Variants in TMEFF1 observed in about 807,000 individuals in gnomAD.
TMEFF1 encodes the protein tomoregulin-1.
In TMEFF1, 20 loss-of-function variants were observed where a neutral mutation model predicts 47.5. That is an observed-to-expected ratio of 0.42 (90% confidence interval 0.30 to 0.61). The LOEUF is 0.61. Ranked by LOEUF, TMEFF1 falls within the 20% of genes least tolerant of loss-of-function variation. The pLI, the probability that TMEFF1 is intolerant of heterozygous loss-of-function variation, is 0.19. For synonymous variants in TMEFF1, 162 were observed against 166.3 expected, an observed-to-expected ratio of 0.97 and a Z score of 0.20; for missense variants, 411 against 471.1, an observed-to-expected ratio of 0.87 and a Z score of 1.18.
At chr9:100,485,902 A>G (rs1045038153) in intron 1 of TMEFF1, among the ~76,000 whole-genome samples, 3 of 152,152 alleles carry the variant, frequency 2.0e-5, no homozygotes, top group Non-Finnish European at 4.4e-5. Context: ...AAAAAGTATC[A>G]TGTATTTTCC....
At chr9:100,498,439 T>G (rs976987379) in intron 1 of TMEFF1, among the ~76,000 whole-genome samples, 1 of 152,030 alleles carries the variant, frequency 6.6e-6, no homozygotes, top group African/African-American at 2.4e-5. Flanking sequence ...AAATAAGAAA[T>G]AGTAAGATTG....
intron 2 of TMEFF1, among the ~76,000 whole-genome samples, chr9:100,503,662 A>C (rs1009000028): frequency 6.6e-6 from 1 of 152,072 alleles, no homozygotes; most frequent in African/African-American, 2.4e-5. Flanking sequence ...TCTGTATACT[A>C]GCCCAGGAAA....
At chr9:100,476,264 T>A (rs1416516739) in intron 1 of TMEFF1, among the ~76,000 whole-genome samples, 3 of 152,206 alleles carry the variant, frequency 2.0e-5, no homozygotes, top group African/African-American at 7.2e-5. Flanking sequence ...AAAATTTTTT[T>A]AGTTGGTAAG....
At chr9:100,558,472 C>T (rs941881201) in intron 7 of TMEFF1, among the ~76,000 whole-genome samples, 5 of 151,626 alleles carry the variant, frequency 3.3e-5, no homozygotes, top group African/African-American at 4.8e-5. Flanking sequence ...TATTTGATCT[C>T]AGTTATTTGG....
chr9:100,572,633 G>T lies in TMEFF1; in HGVS notation c.1015G>T (p.Val339Leu), dbSNP rs570775539. 3.1e-6 allele frequency: 5 copies of T among 1,613,208 alleles called. No homozygotes were observed. The East Asian group carries it at 1.1e-4, about 36-fold the overall frequency. ...HVLIAAIIGA[V>L]QIAIIVAIVM... ...TCTTATTGCAGCAATTATTGGAGCT[G>T]TACAGATTGCCATCATAGTAGCAAT... Residue 339 changes from valine (V) to leucine (L), a missense_variant, in exon 9 of 10, where the codon GTA (valine) becomes TTA (leucine). Val to Leu is a conservative substitution (Grantham distance 32). Transcript: ENST00000374879.
intron 2 of TMEFF1, among the ~76,000 whole-genome samples, chr9:100,503,096 C>G (rs773697540): frequency 6.6e-6 from 1 of 152,140 alleles, no homozygotes; most frequent in Non-Finnish European, 1.5e-5. Flanking sequence ...CCCATTAAAC[C>G]CTTCTCTGCT....
intron 1 of TMEFF1, among the ~76,000 whole-genome samples, chr9:100,494,959 G>A (rs760267791): frequency 2.6e-5 from 4 of 152,112 alleles, no homozygotes; most frequent in Non-Finnish European, 5.9e-5. Context: ...TTAGTTGATA[G>A]CCAGCAACAA....
At position 100,561,487 on chromosome 9, in the gene TMEFF1, A is replaced by G. The variant is rs1353897481; in HGVS notation, c.866A>G (p.Glu289Gly). The G allele has an allele frequency of 1.2e-6, 2 of 1,613,736 alleles. No individual in the cohort carries two copies. The highest frequency in any genetic ancestry group is 1.3e-5 in the African/African-American group (1 of 74,902). Residue 289 changes from glutamate to glycine, a missense_variant, in exon 8 of 10, where the codon GAA (glutamate) becomes GGA (glycine). Glu to Gly is a moderately conservative substitution (Grantham distance 98). Coordinates refer to ENST00000374879, the MANE Select transcript of TMEFF1 (RefSeq NM_003692.5). ...LNGYCIHGKC[E>G]FIYSTQKASC... The stretch of plus-strand genomic sequence containing the variant: ...GGTTACTGCATCCATGGAAAATGTG[A>G]ATTCATCTATTCTACTCAGAAGGCT...
chr9:100,473,343 C>G lies in TMEFF1; in HGVS notation c.-202C>G, dbSNP rs1455424845. 3.8e-6 allele frequency: 1 copy of G among 260,054 alleles called. No individual in the cohort carries two copies. Among genetic ancestry groups the G allele is most frequent in the Non-Finnish European group, 6.8e-6 (1 of 147,454 alleles). 16.1% of individuals were successfully genotyped at this position (260,054 alleles called of 1,614,324 possible). A position where few individuals can be genotyped will look rare whatever the true frequency, so the allele number is the denominator to read the frequency against. On this transcript the variant is annotated 5_prime_UTR_variant, in exon 1 of 10. Coordinates refer to ENST00000374879, the MANE Select transcript of TMEFF1 (RefSeq NM_003692.5). This position sits in a 1 kb window ranked among gnomAD's most constrained non-coding sequence, Gnocchi z 5.4. ...CGCGCCCGCGACCCTCGCACGCGCCCGGACCCGCCGACTCCGTCCCGAGCG... is the reference window on the plus strand; with the variant it reads ...CGCGCCCGCGACCCTCGCACGCGCCGGGACCCGCCGACTCCGTCCCGAGCG...
intron 5 of TMEFF1, among the ~76,000 whole-genome samples, chr9:100,543,746 C>A (rs993134980): frequency 2.0e-5 from 3 of 147,658 alleles, no homozygotes; most frequent in East Asian, 3.9e-4. Context: ...CACACACACA[C>A]AAATCTCATA....
intron 5 of TMEFF1, among the ~76,000 whole-genome samples, chr9:100,525,550 G>A (rs568994310): frequency 3.4e-5 from 5 of 149,180 alleles, no homozygotes; most frequent in East Asian, 2.0e-4. Flanking sequence ...CTCCCTCACC[G>A]GAAGCTCCCG....
chr9:100,532,111 A>C (rs1280866868), intron 5 of TMEFF1, among the ~76,000 whole-genome samples: 2 of 152,098 alleles, frequency 1.3e-5, no homozygotes, highest in Admixed American at 6.6e-5. Flanking sequence ...TAAAGACTTA[A>C]ACGTTAGACC....
intron 2 of TMEFF1, 43 bp from the exon 3 acceptor site, chr9:100,508,962 A>G: frequency 6.6e-7 from 1 of 1,509,698 alleles, no homozygotes; most frequent in Non-Finnish European, 8.8e-7. Context: ...AACTATTAAT[A>G]TTCATGCCTA....
chr9:100,490,169 C>T (rs1837523752), intron 1 of TMEFF1, among the ~76,000 whole-genome samples: 1 of 152,052 alleles, frequency 6.6e-6, no homozygotes, highest in Non-Finnish European at 1.5e-5. Context: ...AAATTTCTTT[C>T]GTTAAGTATA....
intron 1 of TMEFF1, among the ~76,000 whole-genome samples, chr9:100,482,150 A>G (rs1416533395): frequency 6.7e-6 from 1 of 148,492 alleles, no homozygotes; most frequent in African/African-American, 2.5e-5. Context: ...TTGGCAATCT[A>G]TTTTTCTGCC....
intron 1 of TMEFF1, among the ~76,000 whole-genome samples, chr9:100,490,028 C>T (rs1837520090): frequency 6.6e-6 from 1 of 151,300 alleles, no homozygotes; most frequent in African/African-American, 2.4e-5. Flanking sequence ...TTAAAGTAGG[C>T]AGCGGGGGAA....
intron 8 of TMEFF1, among the ~76,000 whole-genome samples, chr9:100,562,627 TTTG>T (rs1210794606): frequency 8.9e-4 from 119 of 133,936 alleles, no homozygotes; most frequent in African/African-American, 2.7e-3. Flanking sequence ...GGTTTTTTTT[TTTG>T]TTTGTTTTGT....
At chr9:100,538,721 T>C (rs902201655) in intron 5 of TMEFF1, among the ~76,000 whole-genome samples, 1 of 152,250 alleles carries the variant, frequency 6.6e-6, no homozygotes, top group African/African-American at 2.4e-5. Context: ...TTGAGATTCA[T>C]TTATGTTGAT....
At chr9:100,521,619 C>T (rs1564016867) in intron 5 of TMEFF1, among the ~76,000 whole-genome samples, 1 of 152,226 alleles carries the variant, frequency 6.6e-6, no homozygotes, top group South Asian at 2.1e-4. Flanking sequence ...TAGCCATCAG[C>T]TGCTTCTCTG....
Sources: gnomAD v4.1 joint callset for allele counts (sites outside exome capture counted in the v4.1 genomes callset) on GRCh38, gnomAD v4.1.1 for gene constraint, Gnocchi (gnomAD v3.1) non-coding constraint, MANE v1.5 for transcripts, NCBI Gene and HGNC (gene_info 2026-07-23, HGNC 2026-07-21) for gene names.